The following UTP20 variants were observed in gnomAD, a reference collection of about 807,000 sequenced individuals.
UTP20 encodes UTP20 small subunit processome component.
In UTP20, 164 loss-of-function variants were observed where a neutral mutation model predicts 329.5. The ratio of observed to expected loss-of-function variants is 0.50; its 90% CI spans 0.44 to 0.57. The LOEUF (loss-of-function observed/expected upper bound fraction) is 0.57. UTP20 is among the 20% of genes least tolerant of loss of function. UTP20 has a pLI of 0.00. For synonymous variants in UTP20, 1,151 were observed against 1,159.3 expected, an observed-to-expected ratio of 0.99 and a Z score of 0.14; for missense variants, 3,055 against 3,284.2, an observed-to-expected ratio of 0.93 and a Z score of 1.71.
intron 47 of UTP20, among the ~76,000 whole-genome samples, chr12:101,367,004 A>G (rs921827489): frequency 6.6e-6 from 1 of 152,084 alleles, no homozygotes; most frequent in Non-Finnish European, 1.5e-5. Context: ...GAGTGGCCAG[A>G]CATGGTGGCT....
rs1193237067 is a variant in UTP20 at position 101,373,646 on chromosome 12, A to G, written c.7010A>G (p.Asp2337Gly). The change falls in exon 54 of 62, where the codon GAT (aspartate) becomes GGT (glycine). Residue 2337 changes from aspartate (D) to glycine (G), a missense_variant. Asp to Gly is a moderately conservative substitution (Grantham distance 94). This residue lies in a region of UTP20 where 273 missense variants were observed against 363.1 expected (regional missense o/e 0.75). Coordinates refer to ENST00000261637, the MANE Select transcript of UTP20 (RefSeq NM_014503.3). Reference protein sequence around the residue: ...FIPLCLMTINDDSATCKKMAS... With the variant: ...FIPLCLMTINGDSATCKKMAS... ...CCTCTTTGTCTAATGACGATCAATG[A>G]TGACTCTGCCACGTGCAAAAAGATG... 3 of 1,613,316 alleles carry G rather than the reference A, an allele frequency of 1.9e-6. No individual in the cohort carries two copies. Among genetic ancestry groups the G allele is most frequent in the African/African-American group, 1.3e-5 (1 of 75,008 alleles).
chr12:101,313,580 G>A (rs1872865981), intron 21 of UTP20, among the ~76,000 whole-genome samples: 1 of 152,108 alleles, frequency 6.6e-6, no homozygotes, highest in Non-Finnish European at 1.5e-5. Flanking sequence ...AAGAAGTGAT[G>A]GCGACTTAAC....
chr12:101,368,007 C>A, intron 48 of UTP20, 31 bp downstream of exon 48: 1 of 1,423,372 alleles, frequency 7.0e-7, no homozygotes, highest in Non-Finnish European at 9.9e-7. Context: ...TGCATTGGAG[C>A]ATTTATTTCT....
rs974996772 is a variant in UTP20, at chr12:101,329,378, C to T, written c.3346C>T (p.Leu1116=). 1.9e-6 allele frequency: 3 copies of T among 1,613,890 alleles called. No individual in the cohort carries two copies. The highest frequency in any genetic ancestry group is 1.7e-6 in the Non-Finnish European group (2 of 1,180,000). The change falls in exon 27 of 62, where the codon CTG becomes TTG. Residue 1116 remains leucine, a synonymous_variant. Coordinates refer to ENST00000261637, the MANE Select transcript of UTP20 (RefSeq NM_014503.3). ...KNISHLISAY[L]PKILQILLCM... ...CATTAGTCATCTGATCAGCGCATAC[C>T]TGCCGAAGATTTTGCAGATACTGCT...
At chr12:101,318,065 A>G (rs1565792412) in intron 22 of UTP20, among the ~76,000 whole-genome samples, 2 of 151,486 alleles carry the variant, frequency 1.3e-5, no homozygotes, top group East Asian at 1.9e-4. Flanking sequence ...CATGTTAGCA[A>G]TTTTTTTTTC....
chr12:101,356,770 T>G, intron 42 of UTP20, 77 bp downstream of exon 42: 1 of 1,533,186 alleles, frequency 6.5e-7, no homozygotes, highest in South Asian at 1.3e-5. Context: ...GAGTCTCTTT[T>G]GTCAGGAAGA....
In UTP20 at chr12:101,334,446, A is replaced by C; in HGVS notation, c.3583A>C (p.Ser1195Arg). ...CTAGATCAGCAGGCTTGGATCTGAG[A>C]GTCAATATTCTCCTACTCCTCTGCT... is the stretch of plus-strand genomic sequence containing the variant. Reference protein sequence around the residue: ...WPQISRLGSESQYSPTPLLKL... With the variant: ...WPQISRLGSERQYSPTPLLKL... Residue 1195 changes from serine to arginine, a missense_variant, in exon 29 of 62, where the codon AGT (serine) becomes CGT (arginine). Ser to Arg is a moderately radical substitution (Grantham distance 110, BLOSUM62 -1). Transcript: ENST00000261637. 6.2e-7 allele frequency: 1 copy of C among 1,612,190 alleles called. No individual in the cohort carries two copies. The highest frequency in any genetic ancestry group is 8.5e-7 in the Non-Finnish European group (1 of 1,179,858).
chr12:101,369,019 AGC>A (rs1870192963), intron 48 of UTP20, among the ~76,000 whole-genome samples: 1 of 152,240 alleles, frequency 6.6e-6, no homozygotes, highest in Non-Finnish European at 1.5e-5. Context: ...CAGGGATCTC[AGC>A]ACACTTTTTC....
intron 55 of UTP20, 132 bp from the exon 56 acceptor site, chr12:101,375,492 A>G (rs1870443060): frequency 7.1e-6 from 6 of 840,386 alleles, no homozygotes; most frequent in Non-Finnish European, 1.1e-5. Context: ...ACAGGAAAGG[A>G]TCATCTGGCC....
At chr12:101,284,396 T>C (rs544100892) in intron 2 of UTP20, among the ~76,000 whole-genome samples, 64 of 152,326 alleles carry the variant, frequency 4.2e-4, no homozygotes, top group Middle Eastern at 3.4e-3. Flanking sequence ...TCCAGCTGTA[T>C]CCATGTTGCT....
At chr12:101,352,034 T>A (rs1372161853) in intron 38 of UTP20, 21 bp from the exon 39 acceptor site, 2 of 1,611,650 alleles carry the variant, frequency 1.2e-6, no homozygotes, top group East Asian at 2.2e-5. Context: ...TCTGCATTGA[T>A]GTTCTTGATT....
Position 101,338,941 on chromosome 12 carries a change from C to A in UTP20, c.3997C>A (p.Leu1333Ile), listed in dbSNP as rs1363688234. The A allele has an allele frequency of 6.3e-7, 1 of 1,593,722 alleles. No homozygotes were observed. The highest frequency in any genetic ancestry group is 2.3e-5 in the East Asian group (1 of 43,234). The change falls in exon 31 of 62, where the codon CTT becomes ATT. Residue 1333 changes from leucine (L) to isoleucine (I), a missense_variant. Coordinates refer to ENST00000261637, the MANE Select transcript of UTP20 (RefSeq NM_014503.3). ...KKNRAQVSKE[L>I]GILSKISKFM... ...GAATAGAGCACAAGTCAGTAAAGAG[C>A]TTGGCATTCTTTCAAAGTAAGTGAT...
At position 101,286,454 on chromosome 12, in the gene UTP20, T is replaced by C. The variant is rs1342829764; in HGVS notation, c.460T>C (p.Tyr154His). ...AGAATGGGCTTTCACCTCGTTATCATATCTTTATAAGTACCTGTGGAGACT... is the reference window on the plus strand; with the variant it reads ...AGAATGGGCTTTCACCTCGTTATCACATCTTTATAAGTACCTGTGGAGACT... Reference protein sequence around the residue: ...LLEWAFTSLSYLYKYLWRLMV... With the variant: ...LLEWAFTSLSHLYKYLWRLMV... Residue 154 changes from tyrosine (Y) to histidine (H), a missense_variant, in exon 5 of 62, where the codon TAT becomes CAT. By Grantham distance (83) the Tyr-to-His change is moderately conservative (BLOSUM62 2). This residue lies in a region of UTP20 where 2,445 missense variants were observed against 2,575.5 expected (regional missense o/e 0.95). Coordinates refer to ENST00000261637, the MANE Select transcript of UTP20 (RefSeq NM_014503.3). 2 of 1,614,018 alleles carry C rather than the reference T, an allele frequency of 1.2e-6. No individual in the cohort carries two copies. The highest frequency in any genetic ancestry group is 1.7e-6 in the Non-Finnish European group (2 of 1,179,938).
Position 101,353,110 on chromosome 12 carries a change from A to G in UTP20, c.5088A>G (p.Gly1696=). 1 of 1,596,412 alleles carries G rather than the reference A, an allele frequency of 6.3e-7. No homozygotes were observed. The highest frequency in any genetic ancestry group is 1.1e-5 in the South Asian group (1 of 88,562). ...ACAAAACTCTTGAAGAACAAATGGGAAAAATTGAGAATGAAGAAAGTAAGT... is the reference window on the plus strand; with the variant it reads ...ACAAAACTCTTGAAGAACAAATGGGGAAAATTGAGAATGAAGAAAGTAAGT... ...FDHKTLEEQM[G]KIENEENAIE... The change falls in exon 40 of 62, where the codon GGA becomes GGG. Residue 1696 remains glycine (G), a synonymous_variant. Transcript: ENST00000261637.
At chr12:101,362,263 T>C (rs976671628) in intron 44 of UTP20, among the ~76,000 whole-genome samples, 7 of 152,204 alleles carry the variant, frequency 4.6e-5, no homozygotes, top group Non-Finnish European at 7.3e-5. Flanking sequence ...TAAATTGATA[T>C]GATCTTTCCG....
Position 101,295,549 on chromosome 12 carries a change from G to A in UTP20, c.1321G>A (p.Glu441Lys). 1 of 1,613,118 alleles carries A rather than the reference G, an allele frequency of 6.2e-7. No individual in the cohort carries two copies. ...FLIDDAVVKD[E>K]ALAILAKLIL... ...AATTGATGATGCTGTAGTCAAAGAT[G>A]AAGCTCTGGCCATTCTGGCCAAGCT... Residue 441 changes from glutamate (E) to lysine (K), a missense_variant, in exon 12 of 62, where the codon GAA becomes AAA. Glu to Lys is a moderately conservative substitution (Grantham distance 56). This residue lies in a region of UTP20 where 2,445 missense variants were observed against 2,575.5 expected (regional missense o/e 0.95). Transcript: ENST00000261637.
At chr12:101,362,274 G>T (rs1421991648) in intron 44 of UTP20, among the ~76,000 whole-genome samples, 1 of 152,216 alleles carries the variant, frequency 6.6e-6, no homozygotes, top group African/African-American at 2.4e-5. Flanking sequence ...GATCTTTCCG[G>T]AAAGTAAGTT....
intron 51 of UTP20, 55 bp downstream of exon 51, chr12:101,371,223 T>C (rs754841203): frequency 2.5e-4 from 329 of 1,296,110 alleles, no homozygotes; most frequent in Admixed American, 4.0e-4. Context: ...CGCATCTTTG[T>C]GGCAGAGGTG....
At chr12:101,281,341 T>C in intron 2 of UTP20, 145 bp downstream of exon 2, 1 of 632,032 alleles carries the variant, frequency 1.6e-6, no homozygotes, top group Non-Finnish European at 2.6e-6. Context: ...TAGCCACATA[T>C]GACAAATTGG....
Sources: gnomAD v4.1 joint callset for allele counts (sites outside exome capture counted in the v4.1 genomes callset) on GRCh38, gnomAD v4.1.1 for gene constraint, gnomAD v4.1.1 regional missense constraint, MANE v1.5 for transcripts, NCBI Gene and HGNC (gene_info 2026-07-23, HGNC 2026-07-21) for gene names.